Variants in RAB15 observed in about 807,000 individuals in gnomAD.
RAB15 encodes the protein ras-related protein Rab-15.
In RAB15, 13 loss-of-function variants were observed where a neutral mutation model predicts 31.8. The ratio of observed to expected loss-of-function variants is 0.41; its 90% CI spans 0.27 to 0.65. RAB15 has a LOEUF of 0.65. RAB15 is among the 30% of genes least tolerant of loss of function. The pLI, the probability that RAB15 is intolerant of heterozygous loss-of-function variation, is 0.32. For synonymous variants in RAB15, 100 were observed against 105.6 expected, an observed-to-expected ratio of 0.95 and a Z score of 0.33; for missense variants, 220 against 277.3, an observed-to-expected ratio of 0.79 and a Z score of 1.47.
Position 64,956,113 on chromosome 14 carries a change from C to T in RAB15, c.125-3542G>A, listed in dbSNP as rs1886544675. 3.3e-5 allele frequency among the ~76,000 whole-genome samples: 5 copies of T among 152,096 alleles called. No individual in the cohort carries two copies. In the South Asian group the frequency reaches 1.0e-3, roughly 32 times the overall value. ...CATCACCTGGGACTTGTTAGAAATG[C>T]AAATTCTGGCCGCACGCGGTGGCTC... is the stretch of plus-strand genomic sequence containing the variant. On this transcript the variant is annotated intron_variant, in intron 1 of 6. Transcript: ENST00000533601.
In RAB15 at chr14:64,950,473, C is replaced by T; in HGVS notation, c.325-59G>A. 5.0e-6 allele frequency: 7 copies of T among 1,401,470 alleles called. No individual in the cohort carries two copies. The highest frequency in any genetic ancestry group is 7.1e-6 in the Non-Finnish European group (7 of 989,928). The allele number at this position is 1,401,470 out of a possible 1,614,324, so 86.8% of individuals were successfully genotyped here. A position where few individuals can be genotyped will look rare whatever the true frequency, so the allele number is the denominator to read the frequency against. On this transcript the variant is annotated intron_variant, in intron 4 of 6. Transcript: ENST00000533601. This position sits in a 1 kb window ranked among gnomAD's most constrained non-coding sequence, Gnocchi z 5.6. Reference sequence around the variant, plus strand: ...GTGCTGCCTGCCCCCCCAATTTTCCCTACAGAGTCTGCACTGCCTCCAGCC... The same window carrying T: ...GTGCTGCCTGCCCCCCCAATTTTCCTTACAGAGTCTGCACTGCCTCCAGCC...
At position 64,953,797 on chromosome 14, in the gene RAB15, T is replaced by A. The variant is rs1886398069; in HGVS notation, c.125-1226A>T. 1.0e-6 allele frequency: 1 copy of A among 985,266 alleles called. No homozygotes were observed. Among genetic ancestry groups the A allele is most frequent in the Non-Finnish European group, 1.2e-6 (1 of 829,906 alleles). 61.0% of individuals were successfully genotyped at this position (985,266 alleles called of 1,614,324 possible). A position where few individuals can be genotyped will look rare whatever the true frequency, so the allele number is the denominator to read the frequency against. On this transcript the variant is annotated intron_variant, in intron 1 of 6. Transcript: ENST00000533601. This position sits in a 1 kb window ranked among gnomAD's most constrained non-coding sequence, Gnocchi z 4.6. ...GGTTAATTAAGCTTACGTCTTTGTG[T>A]ACTCCCTGGAGCAAGGTCAGGAGTG...
At chr14:64,957,377 G>C (rs150878435) in intron 1 of RAB15, among the ~76,000 whole-genome samples, 5 of 152,228 alleles carry the variant, frequency 3.3e-5, no homozygotes, top group African/African-American at 1.2e-4. Context: ...TTCCTGGGGA[G>C]TCAGGAAAAC....
chr14:64,952,503 C>T lies in RAB15; in HGVS notation c.185+8G>A, dbSNP rs563144756. On this transcript the variant is annotated splice_region_variant and intron_variant, in intron 2 of 6. Coordinates refer to ENST00000533601, the MANE Select transcript of RAB15 (RefSeq NM_001308154.2). This position sits in a 1 kb window ranked among gnomAD's most constrained non-coding sequence, Gnocchi z 4.2. ...CCTACATCTGCCTCCTCCTCCTCCC[C>T]AGCTCACCAGATCTGTATCCGCACT... is the stretch of plus-strand genomic sequence containing the variant. The T allele has an allele frequency of 4.3e-6, 7 of 1,609,302 alleles. No homozygotes were observed. In the South Asian group the frequency reaches 7.7e-5, roughly 18 times the overall value.
Position 64,950,871 on chromosome 14 carries a change from GC to G in RAB15, c.324+202del. On this transcript the variant is annotated intron_variant, in intron 4 of 6. Transcript: ENST00000533601. This position sits in a 1 kb window ranked among gnomAD's most constrained non-coding sequence, Gnocchi z 5.6. ...CTAATTCATTTCCGGGAAAGACACAGCCGTGGAGGCCTGGCAGGGTATAGAG... is the reference window on the plus strand; with the variant it reads ...CTAATTCATTTCCGGGAAAGACACAGCGTGGAGGCCTGGCAGGGTATAGAG... 1.0e-6 allele frequency: 1 copy of G among 992,104 alleles called. No homozygotes were observed. Among genetic ancestry groups the G allele is most frequent in the South Asian group, 1.5e-5 (1 of 65,750 alleles). The allele number at this position is 992,104 out of a possible 1,614,324, so 61.5% of individuals were successfully genotyped here. A position where few individuals can be genotyped will look rare whatever the true frequency, so the allele number is the denominator to read the frequency against.
At position 64,948,556 on chromosome 14, in the gene RAB15, C is replaced by T; in HGVS notation, c.481-44G>A. The stretch of plus-strand genomic sequence containing the variant: ...AGGTTAGTCCAGTGTCTCCTCCTCT[C>T]CCCTGGCAACCCTGCAGCGGCCTGA... On this transcript the variant is annotated intron_variant, in intron 6 of 6. Transcript: ENST00000533601. This position sits in a 1 kb window ranked among gnomAD's most constrained non-coding sequence, Gnocchi z 7.0. 1 of 1,600,506 alleles carries T rather than the reference C, an allele frequency of 6.2e-7. No individual in the cohort carries two copies. Among genetic ancestry groups the T allele is most frequent in the Non-Finnish European group, 8.5e-7 (1 of 1,172,606 alleles).
chr14:64,948,177 G>C lies in RAB15; in HGVS notation c.*177C>G. 1 of 617,464 alleles carries C rather than the reference G, an allele frequency of 1.6e-6. No homozygotes were observed. The highest frequency in any genetic ancestry group is 2.6e-6 in the Non-Finnish European group (1 of 381,378). 38.2% of individuals were successfully genotyped at this position (617,464 alleles called of 1,614,324 possible). A position where few individuals can be genotyped will look rare whatever the true frequency, so the allele number is the denominator to read the frequency against. On this transcript the variant is annotated 3_prime_UTR_variant, in exon 7 of 7. Coordinates refer to ENST00000533601, the MANE Select transcript of RAB15 (RefSeq NM_001308154.2). The surrounding 1 kb of genome is among the most constrained non-coding windows in gnomAD (Gnocchi z 7.0). Reference sequence around the variant, plus strand: ...CAGGGTGGACGGGCTGGGGACAGGGGCTGCTTGAGATGACAGCAGAGCCGC... The same window carrying C: ...CAGGGTGGACGGGCTGGGGACAGGGCCTGCTTGAGATGACAGCAGAGCCGC...
Position 64,951,025 on chromosome 14 carries a change from C to T in RAB15, c.324+49G>A. On this transcript the variant is annotated intron_variant, in intron 4 of 6. Transcript: ENST00000533601. This position sits in a 1 kb window ranked among gnomAD's most constrained non-coding sequence, Gnocchi z 7.2. ...CCATCTGGCCCTCGCCTTGCCTTCCCCGGTGAGGCACCCTCTCCACACCCC... is the reference window on the plus strand; with the variant it reads ...CCATCTGGCCCTCGCCTTGCCTTCCTCGGTGAGGCACCCTCTCCACACCCC... 1.9e-6 allele frequency: 3 copies of T among 1,613,776 alleles called. No homozygotes were observed. Among genetic ancestry groups the T allele is most frequent in the Non-Finnish European group, 2.5e-6 (3 of 1,179,978 alleles).
In RAB15 at chr14:64,951,110, G is replaced by A; in HGVS notation, c.288C>T (p.Tyr96=). 6.2e-7 allele frequency: 1 copy of A among 1,612,850 alleles called. No individual in the cohort carries two copies. Among genetic ancestry groups the A allele is most frequent in the East Asian group, 2.2e-5 (1 of 44,876 alleles). The change falls in exon 4 of 7, where the codon TAC becomes TAT. Residue 96 remains tyrosine (Y), a synonymous_variant. Transcript: ENST00000533601. The surrounding 1 kb of genome is among the most constrained non-coding windows in gnomAD (Gnocchi z 7.2). ...LVYDISSERS[Y]QHIMKWVSDV... ...CACTGACCCACTTCATGATGTGCTG[G>A]TAAGAGCGCTCGCTGCTAATGTCAT...
At chr14:64,959,312 C>G (rs1886735034) in intron 1 of RAB15, among the ~76,000 whole-genome samples, 1 of 152,122 alleles carries the variant, frequency 6.6e-6, no homozygotes, top group Admixed American at 6.5e-5. Flanking sequence ...CCACTGCTGC[C>G]TAATGGCTCC....
At chr14:64,957,597 C>T (rs1157969599) in intron 1 of RAB15, among the ~76,000 whole-genome samples, 1 of 152,184 alleles carries the variant, frequency 6.6e-6, no homozygotes, top group East Asian at 1.9e-4. Flanking sequence ...TTACAGCATA[C>T]CCCTGAGCTA....
In RAB15 at chr14:64,955,592, G is replaced by C. The variant is rs1274063348; in HGVS notation, c.125-3021C>G. Reference sequence around the variant, plus strand: ...CACTGTCCCCCCACTGAAGACTTCAGCTCCAGGGCACCCCCTCCCCACCCC... The same window carrying C: ...CACTGTCCCCCCACTGAAGACTTCACCTCCAGGGCACCCCCTCCCCACCCC... On this transcript the variant is annotated intron_variant, in intron 1 of 6. Coordinates refer to ENST00000533601, the MANE Select transcript of RAB15 (RefSeq NM_001308154.2). This position sits in a 1 kb window ranked among gnomAD's most constrained non-coding sequence, Gnocchi z 4.4. Among the ~76,000 whole-genome samples the C allele has an allele frequency of 6.6e-6, 1 of 152,122 alleles. No homozygotes were observed. The highest frequency in any genetic ancestry group is 2.4e-5 in the African/African-American group (1 of 41,422).
Position 64,948,530 on chromosome 14 carries a change from C to CA in RAB15, c.481-19dup. ...GTGAATGACTGGAAACCAAAGGGCA[C>CA]AGGTTAGTCCAGTGTCTCCTCCTCT... On this transcript the variant is annotated intron_variant, in intron 6 of 6. Transcript: ENST00000533601. This position sits in a 1 kb window ranked among gnomAD's most constrained non-coding sequence, Gnocchi z 7.0. The CA allele has an allele frequency of 6.3e-7, 1 of 1,599,796 alleles. No homozygotes were observed. The highest frequency in any genetic ancestry group is 8.5e-7 in the Non-Finnish European group (1 of 1,172,108).
At chr14:64,960,779 T>C (rs997042480) in intron 1 of RAB15, among the ~76,000 whole-genome samples, 1 of 151,882 alleles carries the variant, frequency 6.6e-6, no homozygotes, top group Admixed American at 6.6e-5. Context: ...GAGGCTTATG[T>C]TGGGGAGAGG....
In RAB15 at chr14:64,954,457, C is replaced by G; in HGVS notation, c.125-1886G>C. On this transcript the variant is annotated intron_variant, in intron 1 of 6. Transcript: ENST00000533601. This position sits in a 1 kb window ranked among gnomAD's most constrained non-coding sequence, Gnocchi z 4.3. ...GTAATATACCTGGTTTATCCTCACA[C>G]TAGCCTAGCAAACCTGGCCAAGGAC... The G allele has an allele frequency of 1.0e-6, 1 of 985,474 alleles. No individual in the cohort carries two copies. Among genetic ancestry groups the G allele is most frequent in the African/African-American group, 1.7e-5 (1 of 57,368 alleles). The allele number at this position is 985,474 out of a possible 1,614,324, so 61.0% of individuals were successfully genotyped here.
At chr14:64,961,968 A>C (rs1175180251) in intron 1 of RAB15, among the ~76,000 whole-genome samples, 1 of 151,344 alleles carries the variant, frequency 6.6e-6, no homozygotes, top group African/African-American at 2.4e-5. Flanking sequence ...TAATCCCAGC[A>C]CTTTGGGAGG....
At chr14:64,949,542 A>G (rs1886113626) in intron 5 of RAB15, among the ~76,000 whole-genome samples, 1 of 151,992 alleles carries the variant, frequency 6.6e-6, no homozygotes, top group African/African-American at 2.4e-5. Flanking sequence ...CCAATATGGC[A>G]AAACCCCATC....
At position 64,953,465 on chromosome 14, in the gene RAB15, GTGGCA is replaced by G. The variant is rs537149827; in HGVS notation, c.125-899_125-895del. Among the ~76,000 whole-genome samples, 1 of 152,334 alleles carries G rather than the reference GTGGCA, an allele frequency of 6.6e-6. No individual in the cohort carries two copies. The highest frequency in any genetic ancestry group is 2.1e-4 in the South Asian group (1 of 4,824). On this transcript the variant is annotated intron_variant, in intron 1 of 6. Coordinates refer to ENST00000533601, the MANE Select transcript of RAB15 (RefSeq NM_001308154.2). The surrounding 1 kb of genome is among the most constrained non-coding windows in gnomAD (Gnocchi z 4.6). ...TGTCATAGGACCAGATGAAGAGGCA[GTGGCA>G]TGGCATGGCATGTCACTGCGGGAGG...
At position 64,950,430 on chromosome 14, in the gene RAB15, G is replaced by A. The variant is rs1886184978; in HGVS notation, c.325-16C>T. ...CTGGTGCGTACTAGGGACAAAGGAT[G>A]GGCAGAACAGCCAGTGAGTGCTGCC... is the stretch of plus-strand genomic sequence containing the variant. On this transcript the variant is annotated splice_polypyrimidine_tract_variant and intron_variant, in intron 4 of 6. Coordinates refer to ENST00000533601, the MANE Select transcript of RAB15 (RefSeq NM_001308154.2). The surrounding 1 kb of genome is among the most constrained non-coding windows in gnomAD (Gnocchi z 5.6). The A allele has an allele frequency of 4.4e-6, 7 of 1,604,082 alleles. No homozygotes were observed. The highest frequency in any genetic ancestry group is 1.1e-5 in the South Asian group (1 of 90,894).
Sources: gnomAD v4.1 joint callset for allele counts (sites outside exome capture counted in the v4.1 genomes callset) on GRCh38, gnomAD v4.1.1 for gene constraint, Gnocchi (gnomAD v3.1) non-coding constraint, MANE v1.5 for transcripts, NCBI Gene and HGNC (gene_info 2026-07-23, HGNC 2026-07-21) for gene names.